The following PRKCZ variants were observed in gnomAD, a reference collection of about 807,000 sequenced individuals.
The protein encoded by PRKCZ is protein kinase C zeta.
PRKCZ carries 33 observed loss-of-function variants against 79.5 expected under a neutral mutation model. The observed-to-expected ratio is 0.41, with a 90% CI of 0.31 to 0.55. The LOEUF is 0.55. PRKCZ is among the 20% of genes least tolerant of loss of function. PRKCZ has a pLI of 0.19. For missense variants in PRKCZ, 578 were observed against 813.5 expected, an observed-to-expected ratio of 0.71 and a Z score of 3.52; for synonymous variants, 342 against 320.9, an observed-to-expected ratio of 1.07 and a Z score of -0.70.
rs986727847 is a variant in PRKCZ, at chr1:2,174,426, A to G, written c.1406-328A>G. Among the ~76,000 whole-genome samples the G allele has an allele frequency of 1.3e-5, 2 of 152,080 alleles. No individual in the cohort carries two copies. Among genetic ancestry groups the G allele is most frequent in the Admixed American group, 1.3e-4 (2 of 15,270 alleles). On this transcript the variant is annotated intron_variant, in intron 14 of 17. Coordinates refer to ENST00000378567, the MANE Select transcript of PRKCZ (RefSeq NM_002744.6). The surrounding 1 kb of genome is among the most constrained non-coding windows in gnomAD (Gnocchi z 6.2). ...TGGTCTGGAATTCAGTGCTGTGGGG[A>G]TGTGGGATCTGGGAACGCGGCTGTC...
intron 10 of PRKCZ, among the ~76,000 whole-genome samples, chr1:2,157,413 T>C (rs1681283094): frequency 6.6e-6 from 1 of 152,120 alleles, no homozygotes; most frequent in Admixed American, 6.5e-5. Flanking sequence ...GCTTTTTTTT[T>C]TTAATGTGCT....
At position 2,066,000 on chromosome 1, in the gene PRKCZ, A is replaced by G. The variant is rs375633378; in HGVS notation, c.334+6409A>G. ...AACCATCCTTGCATCCCATGAAAAAATCCTTCTTGCTCTTGGTGTGTAATT... is the reference window on the plus strand; with the variant it reads ...AACCATCCTTGCATCCCATGAAAAAGTCCTTCTTGCTCTTGGTGTGTAATT... On this transcript the variant is annotated intron_variant, in intron 4 of 17. Transcript: ENST00000378567. Among the ~76,000 whole-genome samples the G allele has an allele frequency of 2.0e-5, 3 of 152,176 alleles. No individual in the cohort carries two copies. In the East Asian group the frequency reaches 5.8e-4, roughly 29 times the overall value.
In PRKCZ at chr1:2,106,681, A is replaced by G. The variant is rs958573524; in HGVS notation, c.335-28581A>G. 5.7e-3 allele frequency among the ~76,000 whole-genome samples: 195 copies of G among 34,250 alleles called. 29 individuals carry two copies. The East Asian group carries it at 0.058, about 10-fold the overall frequency. 22.5% of individuals were successfully genotyped at this position (34,250 alleles called of 152,430 possible). A position where few individuals can be genotyped will look rare whatever the true frequency, so the allele number is the denominator to read the frequency against. The stretch of plus-strand genomic sequence containing the variant: ...CTCCACGTGTGTCACCAGGCCAGGT[A>G]ACTCTCAGCAAGCCCCTCCGGTGGG... On this transcript the variant is annotated intron_variant, in intron 4 of 17. Transcript: ENST00000378567.
intron 4 of PRKCZ, among the ~76,000 whole-genome samples, chr1:2,091,645 G>T (rs1665522960): frequency 6.6e-6 from 1 of 152,190 alleles, no homozygotes; most frequent in Non-Finnish European, 1.5e-5. Context: ...GGCCGCTTGT[G>T]TGTCGGCTTT....
chr1:2,144,457 C>G, intron 6 of PRKCZ, 116 bp downstream of exon 6: 1 of 1,483,696 alleles, frequency 6.7e-7, no homozygotes, highest in Middle Eastern at 2.2e-4. Flanking sequence ...GGCCGTGGTG[C>G]CGTCCTAGCT....
chr1:2,055,491 G>C lies in PRKCZ; in HGVS notation c.122G>C (p.Cys41Ser), dbSNP rs564900644. The change falls in exon 2 of 18, where the codon TGT becomes TCT. Residue 41 changes from cysteine (C) to serine (S), a missense_variant. Around this residue, in one of 4 missense-constraint regions of PRKCZ, gnomAD observed 228 missense variants for 211.6 expected, o/e 1.08. Transcript: ENST00000378567. ...GCCGCCACGACCTTCGAGGAGCTCT[G>C]TGAGGAAGTGAGAGACATGTGTCGT... ...VDAATTFEEL[C>S]EEVRDMCRLH... The C allele has an allele frequency of 4.3e-6, 7 of 1,613,982 alleles. No homozygotes were observed. Among genetic ancestry groups the C allele is most frequent in the Middle Eastern group, 3.3e-4 (2 of 6,084 alleles).
At chr1:2,120,839 C>CTT (rs35674338) in intron 4 of PRKCZ, among the ~76,000 whole-genome samples, 4 of 103,094 alleles carry the variant, frequency 3.9e-5, no homozygotes, top group South Asian at 3.4e-4. Context: ...CCATTTGATT[C>CTT]TTTTTTTTTT....
At position 2,123,558 on chromosome 1, in the gene PRKCZ, T is replaced by C. The variant is rs1467304018; in HGVS notation, c.335-11704T>C. Among the ~76,000 whole-genome samples, 4 of 36,366 alleles carry C rather than the reference T, an allele frequency of 1.1e-4. 2 individuals carry two copies. Among genetic ancestry groups the C allele is most frequent in the African/African-American group, 2.7e-4 (2 of 7,336 alleles). The allele number at this position is 36,366 out of a possible 152,430, so 23.9% of individuals were successfully genotyped here. A position where few individuals can be genotyped will look rare whatever the true frequency, so the allele number is the denominator to read the frequency against. The stretch of plus-strand genomic sequence containing the variant: ...AGGGTTGTGGTGGTTAGGGTTGTGG[T>C]GGTTAGGGTCACGGTGGTAGTTAGG... On this transcript the variant is annotated intron_variant, in intron 4 of 17. Transcript: ENST00000378567.
At chr1:2,137,195 A>T (rs1459481179) in intron 5 of PRKCZ, among the ~76,000 whole-genome samples, 3 of 152,158 alleles carry the variant, frequency 2.0e-5, no homozygotes, top group African/African-American at 7.2e-5. Flanking sequence ...CCAGGGTAGG[A>T]CGAGTGGCAG....
intron 3 of PRKCZ, among the ~76,000 whole-genome samples, chr1:2,057,160 T>A (rs2102223632): frequency 6.6e-6 from 1 of 152,352 alleles, no homozygotes; most frequent in African/African-American, 2.4e-5. Context: ...ACCAGCCACC[T>A]CACCTGCCCG....
At chr1:2,109,983 T>A (rs1669397841) in intron 4 of PRKCZ, among the ~76,000 whole-genome samples, 1 of 152,316 alleles carries the variant, frequency 6.6e-6, no homozygotes, top group East Asian at 1.9e-4. Flanking sequence ...TCTCCCAGTC[T>A]GGGCAAGCGG....
At chr1:2,124,479 CAA>C (rs757784470) in intron 4 of PRKCZ, among the ~76,000 whole-genome samples, 3 of 151,974 alleles carry the variant, frequency 2.0e-5, no homozygotes, top group African/African-American at 7.3e-5. Context: ...GGATGAGACA[CAA>C]GAGAGGTTGT....
chr1:2,056,591 TGG>T lies in PRKCZ; in HGVS notation c.283+19_283+20del. 1 of 1,606,972 alleles carries T rather than the reference TGG, an allele frequency of 6.2e-7. No homozygotes were observed. The highest frequency in any genetic ancestry group is 8.5e-7 in the Non-Finnish European group (1 of 1,175,092). ...CATTCATGGTTAGTGGCGGGGTCTG[TGG>T]TGGGCAGCTCTGGGGGGCTGTTCCT... On this transcript the variant is annotated intron_variant, in intron 3 of 17. Coordinates refer to ENST00000378567, the MANE Select transcript of PRKCZ (RefSeq NM_002744.6).
Position 2,130,087 on chromosome 1 carries a change from A to G in PRKCZ, c.335-5175A>G, listed in dbSNP as rs72925846. Among the ~76,000 whole-genome samples the G allele has an allele frequency of 5.0e-3, 754 of 152,096 alleles. 8 individuals carry two copies. The highest frequency in any genetic ancestry group is 0.017 in the African/African-American group (726 of 41,494). On this transcript the variant is annotated intron_variant, in intron 4 of 17. Transcript: ENST00000378567. ...TCGGCTCATTTTTTATATTTTTTTT[A>G]TAGAGACGGGGTCTCACCATATTGC...
chr1:2,171,974 G>A (rs1327457914), intron 11 of PRKCZ, 81 bp from the exon 12 acceptor site: 1 of 1,491,998 alleles, frequency 6.7e-7, no homozygotes, highest in Non-Finnish European at 8.9e-7. Flanking sequence ...GGGCAAACGG[G>A]AGTGTGTGGC....
rs183224551 is a variant in PRKCZ, at chr1:2,174,856, A to C, written c.1485+23A>C. On this transcript the variant is annotated intron_variant, in intron 15 of 17. Transcript: ENST00000378567. This position sits in a 1 kb window ranked among gnomAD's most constrained non-coding sequence, Gnocchi z 6.2. ...AAGGTACGTTTCTGGCCATGCTGAC[A>C]AAATCTCGTTTGTGGCCTCGGTGTT... The C allele has an allele frequency of 6.2e-7, 1 of 1,609,512 alleles. No homozygotes were observed. The highest frequency in any genetic ancestry group is 1.7e-5 in the Admixed American group (1 of 60,002).
Position 2,082,121 on chromosome 1 carries a change from C to A in PRKCZ, c.334+22530C>A. On this transcript the variant is annotated intron_variant, in intron 4 of 17. Transcript: ENST00000378567. This position sits in a 1 kb window ranked among gnomAD's most constrained non-coding sequence, Gnocchi z 4.4. ...GAAGGCGCCTAAGTGTCTTTCCACA[C>A]GGCCATCCGAGGGCGGACGTGGTCA... 1 of 320,022 alleles carries A rather than the reference C, an allele frequency of 3.1e-6. No individual in the cohort carries two copies. The allele number at this position is 320,022 out of a possible 1,614,324, so 19.8% of individuals were successfully genotyped here.
chr1:2,090,932 A>G (rs1319405237), intron 4 of PRKCZ, among the ~76,000 whole-genome samples: 2 of 152,274 alleles, frequency 1.3e-5, no homozygotes, highest in Non-Finnish European at 2.9e-5. Context: ...TAAGCAGATT[A>G]TTGAACACAC....
intron 4 of PRKCZ, chr1:2,074,077 A>G (rs981094763): frequency 2.0e-6 from 3 of 1,487,062 alleles, no homozygotes; most frequent in African/African-American, 1.4e-5. Flanking sequence ...CGCTGCACAG[A>G]TGCTCCGGGC....
Sources: gnomAD v4.1 joint callset for allele counts (sites outside exome capture counted in the v4.1 genomes callset) on GRCh38, gnomAD v4.1.1 for gene constraint, gnomAD v4.1.1 regional missense constraint, Gnocchi (gnomAD v3.1) non-coding constraint, MANE v1.5 for transcripts, NCBI Gene and HGNC (gene_info 2026-07-23, HGNC 2026-07-21) for gene names.